Variants in RETREG3 observed in about 807,000 individuals in gnomAD.
RETREG3 encodes reticulophagy regulator family member 3.
Under a neutral mutation model 50.2 loss-of-function variants are expected in RETREG3, and 23 were observed. The ratio of observed to expected loss-of-function variants is 0.46; its 90% CI spans 0.33 to 0.65. The LOEUF (loss-of-function observed/expected upper bound fraction) is 0.65, where lower values mean the gene tolerates loss of function less well. RETREG3 is among the 30% of genes least tolerant of loss of function. RETREG3 has a pLI of 0.02. For missense variants in RETREG3, 546 were observed against 598.0 expected, an observed-to-expected ratio of 0.91 and a Z score of 0.91; for synonymous variants, 240 against 234.4, an observed-to-expected ratio of 1.02 and a Z score of -0.22.
chr17:42,588,150 T>C (rs1597734483), intron 2 of RETREG3, among the ~76,000 whole-genome samples: 1 of 152,166 alleles, frequency 6.6e-6, no homozygotes, highest in East Asian at 1.9e-4. Flanking sequence ...ACAAGAAAAA[T>C]GGTCCATCTC....
chr17:42,584,602 G>A (rs934939230), intron 6 of RETREG3, among the ~76,000 whole-genome samples: 1 of 152,002 alleles, frequency 6.6e-6, no homozygotes, highest in African/African-American at 2.4e-5. Flanking sequence ...TTGAGCCCAG[G>A]AGTTCAGGAT....
At position 42,592,106 on chromosome 17, in the gene RETREG3, A is replaced by G. The variant is rs1460164250; in HGVS notation, c.296T>C (p.Ile99Thr). The change falls in exon 2 of 9, where the codon ATC becomes ACC. Residue 99 changes from isoleucine (I) to threonine (T), a missense_variant. Physicochemically the swap from Ile to Thr is moderately conservative, Grantham distance 89. Transcript: ENST00000309428. ...CTTCCATTGATCAATACACACAATG[A>G]TCATCAAGCCAAATGCAAGTAAAAA... ...LVFLLAFGLM[I>T]IVCIDQWKNK... The G allele has an allele frequency of 6.2e-7, 1 of 1,613,972 alleles. No homozygotes were observed. Among genetic ancestry groups the G allele is most frequent in the African/African-American group, 1.3e-5 (1 of 74,942 alleles).
intron 6 of RETREG3, among the ~76,000 whole-genome samples, 162 bp downstream of exon 6, chr17:42,584,963 A>G (rs1477792672): frequency 6.6e-6 from 1 of 152,198 alleles, no homozygotes; most frequent in Non-Finnish European, 1.5e-5. Context: ...AAGCCTGCAC[A>G]GGTTTCCCTA....
At chr17:42,601,414 A>G (rs1489648172) in intron 1 of RETREG3, among the ~76,000 whole-genome samples, 2 of 151,132 alleles carry the variant, frequency 1.3e-5, no homozygotes, top group South Asian at 2.1e-4. Flanking sequence ...CTACTAAAAA[A>G]TACAAAAAAT....
Position 42,585,107 on chromosome 17 carries a change from T to C in RETREG3, c.727+18A>G. 1 of 1,610,648 alleles carries C rather than the reference T, an allele frequency of 6.2e-7. No individual in the cohort carries two copies. Among genetic ancestry groups the C allele is most frequent in the Non-Finnish European group, 8.5e-7 (1 of 1,178,978 alleles). ...CCCCAAATTGCGTAAGTGGAAAGAA[T>C]GACACCATGACACTTACATTGTCTC... On this transcript the variant is annotated intron_variant, in intron 6 of 8. Transcript: ENST00000309428.
chr17:42,599,106 A>G (rs943215114), intron 1 of RETREG3: 2 of 152,184 alleles, frequency 1.3e-5, no homozygotes, highest in African/African-American at 4.8e-5. Context: ...AGCCCTTTCA[A>G]GTACTCTGGA....
At chr17:42,587,645 A>ACT (rs1567921820) in intron 3 of RETREG3, 189 bp downstream of exon 3, 7 of 629,134 alleles carry the variant, frequency 1.1e-5, no homozygotes, top group Admixed American at 5.5e-5. Context: ...TCTTGTAAAG[A>ACT]TCAGAGGACA....
At chr17:42,586,266 A>ACGGCC in intron 4 of RETREG3, 129 bp from the exon 5 acceptor site, 1 of 780,180 alleles carries the variant, frequency 1.3e-6, no homozygotes, top group Admixed American at 2.4e-5. Context: ...CCACTGTTGC[A>ACGGCC]TCCAAAGGTG....
intron 1 of RETREG3, among the ~76,000 whole-genome samples, chr17:42,598,463 T>A (rs750575167): frequency 1.1e-4 from 16 of 152,162 alleles, no homozygotes; most frequent in Non-Finnish European, 2.2e-4. Context: ...GAAATCCCAT[T>A]ACCCCGTCAT....
At chr17:42,597,503 G>T (rs1210899429) in intron 1 of RETREG3, among the ~76,000 whole-genome samples, 7 of 113,464 alleles carry the variant, frequency 6.2e-5, no homozygotes, top group African/African-American at 2.4e-4. Context: ...TATTTTGTGT[G>T]TGTGTGTGTG....
chr17:42,590,212 T>G (rs573629186), intron 2 of RETREG3, among the ~76,000 whole-genome samples: 106 of 150,834 alleles, frequency 7.0e-4, no homozygotes, highest in African/African-American at 2.4e-3. Context: ...TCAAAAAAAA[T>G]TTTTTTTACT....
chr17:42,593,602 C>G (rs1402985173), intron 1 of RETREG3, among the ~76,000 whole-genome samples: 1 of 147,858 alleles, frequency 6.8e-6, no homozygotes, highest in Non-Finnish European at 1.5e-5. Context: ...GAGCCAAGAT[C>G]GCGCCACTGC....
chr17:42,589,366 G>A (rs1167845157), intron 2 of RETREG3, among the ~76,000 whole-genome samples: 1 of 152,190 alleles, frequency 6.6e-6, no homozygotes, highest in Non-Finnish European at 1.5e-5. Context: ...TGCCTGCTAA[G>A]TGTAATGCCA....
At chr17:42,593,905 C>T (rs1304400251) in intron 1 of RETREG3, among the ~76,000 whole-genome samples, 1 of 151,722 alleles carries the variant, frequency 6.6e-6, no homozygotes, top group Non-Finnish European at 1.5e-5. Context: ...AACTATAGAG[C>T]CCTGGCCAGG....
intron 1 of RETREG3, among the ~76,000 whole-genome samples, chr17:42,602,211 G>C (rs1040847130): frequency 1.3e-5 from 2 of 151,964 alleles, no homozygotes; most frequent in Non-Finnish European, 2.9e-5. Context: ...CAGCTACTTG[G>C]GAGGCTGAGG....
At chr17:42,584,402 CATT>C (rs1379175577) in intron 6 of RETREG3, among the ~76,000 whole-genome samples, 1 of 152,192 alleles carries the variant, frequency 6.6e-6, no homozygotes, top group Non-Finnish European at 1.5e-5. Context: ...GTACTACCAT[CATT>C]GTGTTGCATG....
At chr17:42,590,026 C>T (rs1597735359) in intron 2 of RETREG3, among the ~76,000 whole-genome samples, 1 of 152,076 alleles carries the variant, frequency 6.6e-6, no homozygotes, top group African/African-American at 2.4e-5. Context: ...CATGGCGAAA[C>T]CCCATTTCTA....
Position 42,580,242 on chromosome 17 carries a change from G to C in RETREG3, c.*1571C>G, listed in dbSNP as rs1263450257. The C allele has an allele frequency of 3.3e-5, 5 of 152,596 alleles. No individual in the cohort carries two copies. The allele number at this position is 152,596 out of a possible 1,614,324, so 9.5% of individuals were successfully genotyped here. ...TCATCCTTAAAGGAGGCCCCACCAA[G>C]TTGGGAAGCAGTTGAAAATAAAAGC... On this transcript the variant is annotated 3_prime_UTR_variant, in exon 9 of 9. Transcript: ENST00000309428.
Position 42,586,150 on chromosome 17 carries a change from GA to G in RETREG3, c.505-14del, listed in dbSNP as rs1567921416. ...TCAGCAAGCAGAACTGGGGAATCAA[GA>G]AAGAGTATTAAGTTTCTGTCACATG... is the stretch of plus-strand genomic sequence containing the variant. On this transcript the variant is annotated splice_polypyrimidine_tract_variant and intron_variant, in intron 4 of 8. Transcript: ENST00000309428. 8 of 1,613,728 alleles carry G rather than the reference GA, an allele frequency of 5.0e-6. No individual in the cohort carries two copies. The highest frequency in any genetic ancestry group is 6.8e-6 in the Non-Finnish European group (8 of 1,179,842).
Sources: allele counts gnomAD v4.1 joint callset (sites outside exome capture counted in the v4.1 genomes callset), GRCh38; gene constraint gnomAD v4.1.1; transcripts MANE v1.5; gene names NCBI Gene and HGNC (gene_info 2026-07-23, HGNC 2026-07-21).